The following HERC5 variants were observed in gnomAD, a reference collection of about 807,000 sequenced individuals.
The protein encoded by HERC5 is HECT and RLD domain containing E3 ubiquitin protein ligase 5, also known as E3 ISG15--protein ligase HERC5.
HERC5 carries 99 observed loss-of-function variants against 119.6 expected under a neutral mutation model. That is an observed-to-expected ratio of 0.83 (90% CI 0.70 to 0.98). The LOEUF is 0.98. HERC5 is among the 50% of genes least tolerant of loss of function. The pLI is 0.00. For missense variants in HERC5, 1,267 were observed against 1,241.3 expected, an observed-to-expected ratio of 1.02 and a Z score of -0.31; for synonymous variants, 478 against 445.9, an observed-to-expected ratio of 1.07 and a Z score of -0.91.
chr4:88,459,057 A>G (rs1363569803), intron 1 of HERC5, among the ~76,000 whole-genome samples: 3 of 152,190 alleles, frequency 2.0e-5, no homozygotes, highest in Non-Finnish European at 4.4e-5. Flanking sequence ...CGTTCGTCTT[A>G]ATAAACAAGA....
In HERC5 at chr4:88,457,436, T is replaced by C; in HGVS notation, c.167T>C (p.Leu56Pro). ...CGGAGGGTGGAGGTGACGCGCCAAC[T>C]CTGCTGCTCGCCGGGGCGCCTCGCG... ...LLRRVEVTRQ[L>P]CCSPGRLAVL... The change falls in exon 1 of 23, where the codon CTC becomes CCC. Residue 56 changes from leucine (L) to proline (P), a missense_variant. Around this residue, in one of 3 missense-constraint regions of HERC5, gnomAD observed 777 missense variants for 758.0 expected, o/e 1.03. Coordinates refer to ENST00000264350, the MANE Select transcript of HERC5 (RefSeq NM_016323.4). 7.4e-7 allele frequency: 1 copy of C among 1,352,730 alleles called. No homozygotes were observed. Among genetic ancestry groups the C allele is most frequent in the East Asian group, 2.9e-5 (1 of 34,664 alleles). 83.8% of individuals were successfully genotyped at this position (1,352,730 alleles called of 1,614,324 possible).
rs1174739904 is a variant in HERC5, at chr4:88,475,920, T to C, written c.1472T>C (p.Phe491Ser). The C allele has an allele frequency of 6.2e-7, 1 of 1,614,034 alleles. No homozygotes were observed. Among genetic ancestry groups the C allele is most frequent in the Admixed American group, 1.7e-5 (1 of 60,010 alleles). The change falls in exon 12 of 23, where the codon TTC (phenylalanine) becomes TCC (serine). Residue 491 changes from phenylalanine (F) to serine (S), a missense_variant. This residue lies in a region of HERC5 where 777 missense variants were observed against 758.0 expected (regional missense o/e 1.03). Coordinates refer to ENST00000264350, the MANE Select transcript of HERC5 (RefSeq NM_016323.4). ...CCCCAAGAAGCTTTAGAAATTTTCT[T>C]CCTTCTCCCAGAATGTCCTATGATG... ...SPPQEALEIF[F>S]LLPECPMMHI...
intron 1 of HERC5, among the ~76,000 whole-genome samples, chr4:88,458,329 T>C (rs1740262337): frequency 6.6e-6 from 1 of 152,126 alleles, no homozygotes; most frequent in Non-Finnish European, 1.5e-5. Context: ...GGGTTTTATG[T>C]TAGGCTGGAA....
chr4:88,458,060 G>C (rs924791090), intron 1 of HERC5: 3 of 985,722 alleles, frequency 3.0e-6, no homozygotes, highest in Non-Finnish European at 3.6e-6. Context: ...ATCTTGCTGC[G>C]AGTTTATTTT....
intron 18 of HERC5, among the ~76,000 whole-genome samples, chr4:88,496,654 A>G (rs1741804254): frequency 6.6e-6 from 1 of 152,230 alleles, no homozygotes; most frequent in African/African-American, 2.4e-5. Flanking sequence ...ATGTGGATGA[A>G]GGATTTAGAT....
intron 15 of HERC5, among the ~76,000 whole-genome samples, chr4:88,487,752 A>G (rs1353637752): frequency 1.3e-5 from 2 of 152,208 alleles, no homozygotes; most frequent in African/African-American, 4.8e-5. Context: ...TATTTTACCA[A>G]CCATTAACAA....
intron 18 of HERC5, among the ~76,000 whole-genome samples, chr4:88,494,607 G>A (rs796353477): frequency 2.0e-5 from 3 of 152,302 alleles, no homozygotes; most frequent in African/African-American, 7.2e-5. Flanking sequence ...ACACCTTGGT[G>A]CAAAATCTGC....
chr4:88,478,899 A>G (rs978120650), intron 12 of HERC5, among the ~76,000 whole-genome samples: 4 of 152,172 alleles, frequency 2.6e-5, no homozygotes, highest in African/African-American at 9.6e-5. Flanking sequence ...GGTGTGAGCC[A>G]CCATGCCTGG....
At chr4:88,492,831 C>T (rs1052870253) in intron 16 of HERC5, among the ~76,000 whole-genome samples, 181 bp from the exon 17 acceptor site, 6 of 152,176 alleles carry the variant, frequency 3.9e-5, no homozygotes, top group Admixed American at 3.3e-4. Context: ...CTCAAGGCCT[C>T]GTTATCTCAT....
intron 13 of HERC5, among the ~76,000 whole-genome samples, chr4:88,485,105 T>G (rs1741411527): frequency 6.6e-6 from 1 of 152,062 alleles, no homozygotes; most frequent in Admixed American, 6.6e-5. Flanking sequence ...AATGAGAAAT[T>G]TATTGAAGAG....
At chr4:88,486,352 A>G (rs935867171) in intron 14 of HERC5, 124 bp downstream of exon 14, 1 of 560,370 alleles carries the variant, frequency 1.8e-6, no homozygotes, top group East Asian at 2.9e-5. Flanking sequence ...GACTCCTCAA[A>G]ATCTATGCAA....
chr4:88,474,509 A>G (rs1455881606), intron 11 of HERC5, among the ~76,000 whole-genome samples: 2 of 152,212 alleles, frequency 1.3e-5, no homozygotes, highest in Non-Finnish European at 2.9e-5. Context: ...GTGTACTAAT[A>G]AGATGTTGAA....
At chr4:88,494,060 T>G in intron 17 of HERC5, 105 bp from the exon 18 acceptor site, 10 of 724,306 alleles carry the variant, frequency 1.4e-5, no homozygotes, top group East Asian at 3.1e-5. Flanking sequence ...TTTTTCAATT[T>G]GAGATTTGAT....
In HERC5 at chr4:88,487,099, A is replaced by G. The variant is rs1578059725; in HGVS notation, c.1882A>G (p.Ile628Val). 1.9e-6 allele frequency: 3 copies of G among 1,611,764 alleles called. No homozygotes were observed. The highest frequency in any genetic ancestry group is 2.2e-5 in the South Asian group (2 of 90,918). The change falls in exon 15 of 23, where the codon ATA becomes GTA. Residue 628 changes from isoleucine to valine, a missense_variant. Transcript: ENST00000264350. ...DASENVQCCVIFSHFPFIFNN... is the reference protein window; with the variant it reads ...DASENVQCCVVFSHFPFIFNN... Reference sequence around the variant, plus strand: ...TTCAGAAAATGTACAATGCTGCGTCATATTCAGTCACTTTCCATTTATCTT... The same window carrying G: ...TTCAGAAAATGTACAATGCTGCGTCGTATTCAGTCACTTTCCATTTATCTT...
Position 88,504,350 on chromosome 4 carries a change from C to T in HERC5, c.2701C>T (p.His901Tyr). 6.2e-7 allele frequency: 1 copy of T among 1,611,544 alleles called. No individual in the cohort carries two copies. The highest frequency in any genetic ancestry group is 8.5e-7 in the Non-Finnish European group (1 of 1,178,288). Residue 901 changes from histidine (H) to tyrosine (Y), a missense_variant, in exon 21 of 23, where the codon CAC (histidine) becomes TAC (tyrosine). Physicochemically the swap from His to Tyr is moderately conservative, Grantham distance 83. Around this residue, in one of 3 missense-constraint regions of HERC5, gnomAD observed 473 missense variants for 445.7 expected, o/e 1.06. Coordinates refer to ENST00000264350, the MANE Select transcript of HERC5 (RefSeq NM_016323.4). ...CGACGAAGACATTATCAAATTATTC[C>T]ACCCCGAAGAACTGAAGGATGTGAT... ...MCDEDIIKLF[H>Y]PEELKDVIVG... is the part of the protein sequence containing the mutation.
chr4:88,489,033 G>T, intron 15 of HERC5, 133 bp from the exon 16 acceptor site: 2 of 615,752 alleles, frequency 3.2e-6, no homozygotes, highest in Non-Finnish European at 5.6e-6. Context: ...ATCTTCAGTG[G>T]TGCATATAAG....
Position 88,504,244 on chromosome 4 carries a change from T to C in HERC5, c.2595T>C (p.Val865=). Residue 865 remains valine (V), a synonymous_variant, in exon 21 of 23, where the codon GTT becomes GTC. Coordinates refer to ENST00000264350, the MANE Select transcript of HERC5 (RefSeq NM_016323.4). ...TGTTTTATTAAAGGAGAGACTATGT[T>C]TCTAAGTATATCAATTACATTTTCA... ...TVNQTNKRDY[V]SKYINYIFND... is the part of the protein sequence containing the mutation. 1.3e-6 allele frequency: 2 copies of C among 1,597,076 alleles called. No individual in the cohort carries two copies. Among genetic ancestry groups the C allele is most frequent in the Non-Finnish European group, 1.7e-6 (2 of 1,167,120 alleles).
Position 88,464,002 on chromosome 4 carries a change from C to A in HERC5, c.911+17C>A. Reference sequence around the variant, plus strand: ...ATGTGGAAGGTAAGTTGTAAAGTATCAATAAGAATTGATAAAATGAGTGCA... The same window carrying A: ...ATGTGGAAGGTAAGTTGTAAAGTATAAATAAGAATTGATAAAATGAGTGCA... On this transcript the variant is annotated intron_variant, in intron 6 of 22. Coordinates refer to ENST00000264350, the MANE Select transcript of HERC5 (RefSeq NM_016323.4). 6.2e-7 allele frequency: 1 copy of A among 1,601,848 alleles called. No homozygotes were observed. The highest frequency in any genetic ancestry group is 1.1e-5 in the South Asian group (1 of 88,060).
chr4:88,495,508 C>T (rs921093061), intron 18 of HERC5, among the ~76,000 whole-genome samples: 1 of 152,018 alleles, frequency 6.6e-6, no homozygotes, highest in Non-Finnish European at 1.5e-5. Context: ...TGCAGTGAGC[C>T]GTGATCATAC....
Sources: gnomAD v4.1 joint callset for allele counts (sites outside exome capture counted in the v4.1 genomes callset) on GRCh38, gnomAD v4.1.1 for gene constraint, gnomAD v4.1.1 regional missense constraint, MANE v1.5 for transcripts, NCBI Gene and HGNC (gene_info 2026-07-23, HGNC 2026-07-21) for gene names.